RAB21: variants seen among roughly 807,000 people sequenced by gnomAD.
The protein encoded by RAB21 is RAB21, member RAS oncogene family, also known as ras-related protein Rab-21.
A neutral mutation model predicts 33.1 loss-of-function variants in RAB21; 13 were observed. The ratio of observed to expected loss-of-function variants is 0.39; its 90% confidence interval spans 0.26 to 0.62. RAB21 has a LOEUF of 0.62. RAB21 is among the 20% of genes least tolerant of loss of function. The probability of loss-of-function intolerance (pLI) is 0.48; values close to 1 mark genes in which losing one functional copy is unlikely to be tolerated. For synonymous variants in RAB21, 91 were observed against 103.7 expected (o/e 0.88, Z 0.74); for missense variants, 234 against 279.1 (o/e 0.84, Z 1.15).
At position 71,788,289 on chromosome 12, in the gene RAB21, ATTC is replaced by A. The variant is rs1384748886; in HGVS notation, c.*2620_*2622del. ...AGATAATTATTGGTGGGTCATAACT[ATTC>A]TTCATATTTTTTTTTTCTTTTTTCT... On this transcript the variant is annotated 3_prime_UTR_variant, in exon 7 of 7. Coordinates refer to ENST00000261263, the MANE Select transcript of RAB21 (RefSeq NM_014999.4). The A allele has an allele frequency of 4.0e-5, 6 of 151,216 alleles. No homozygotes were observed. Among genetic ancestry groups the A allele is most frequent in the African/African-American group, 1.4e-4 (6 of 41,476 alleles). 9.4% of individuals were successfully genotyped at this position (151,216 alleles called of 1,614,324 possible). A position where few individuals can be genotyped will look rare whatever the true frequency, so the allele number is the denominator to read the frequency against.
At chr12:71,760,200 C>T (rs1882850105) in intron 1 of RAB21, among the ~76,000 whole-genome samples, 1 of 150,046 alleles carries the variant, frequency 6.7e-6, no homozygotes. Context: ...CAAAGCAAAT[C>T]CATTCTAGTG....
chr12:71,766,436 T>C (rs1882961939), intron 1 of RAB21, among the ~76,000 whole-genome samples: 1 of 152,136 alleles, frequency 6.6e-6, no homozygotes, highest in African/African-American at 2.4e-5. Context: ...ACATCTGTAA[T>C]ACATGGGTAA....
At chr12:71,776,784 T>G (rs1883126465) in intron 4 of RAB21, among the ~76,000 whole-genome samples, 1 of 151,076 alleles carries the variant, frequency 6.6e-6, no homozygotes, top group African/African-American at 2.4e-5. Context: ...CTTAAAGGAT[T>G]AAAAAAAAAG....
chr12:71,765,337 T>G (rs1444134340), intron 1 of RAB21, among the ~76,000 whole-genome samples: 1 of 152,212 alleles, frequency 6.6e-6, no homozygotes, highest in African/African-American at 2.4e-5. Flanking sequence ...GAGTTCCTTG[T>G]AGATTCTGGA....
intron 1 of RAB21, among the ~76,000 whole-genome samples, chr12:71,768,677 A>G (rs1753290063): frequency 6.6e-6 from 1 of 152,002 alleles, no homozygotes; most frequent in African/African-American, 2.4e-5. Context: ...ATTGCTTGAA[A>G]CCATTCAGTG....
Position 71,770,515 on chromosome 12 carries a change from T to A in RAB21, c.220-77T>A. The A allele has an allele frequency of 6.1e-6, 6 of 989,802 alleles. No individual in the cohort carries two copies. The East Asian group carries it at 1.5e-4, about 24-fold the overall frequency. The allele number at this position is 989,802 out of a possible 1,614,324, so 61.3% of individuals were successfully genotyped here. A position where few individuals can be genotyped will look rare whatever the true frequency, so the allele number is the denominator to read the frequency against. On this transcript the variant is annotated intron_variant, in intron 2 of 6. Transcript: ENST00000261263. ...ACTTTATGCCATATTTTCCAATTAA[T>A]CAAAAAGTTCACCATAGTTGCAATC...
intron 1 of RAB21, among the ~76,000 whole-genome samples, chr12:71,767,252 C>T (rs988982408): frequency 6.6e-6 from 1 of 152,092 alleles, no homozygotes; most frequent in Admixed American, 6.6e-5. Context: ...TTAATGGAGA[C>T]TTAATACCGT....
chr12:71,778,143 C>T (rs541900026), intron 4 of RAB21, among the ~76,000 whole-genome samples: 2 of 152,292 alleles, frequency 1.3e-5, no homozygotes, highest in East Asian at 3.9e-4. Flanking sequence ...TACTTAACCT[C>T]CTAGATCCTT....
chr12:71,776,243 A>T (rs1369890442), intron 4 of RAB21, among the ~76,000 whole-genome samples: 1 of 152,238 alleles, frequency 6.6e-6, no homozygotes, highest in African/African-American at 2.4e-5. Context: ...AAGGTCACAA[A>T]GTAACATTTA....
In RAB21 at chr12:71,793,635, T is replaced by C. The variant is rs959017311; in HGVS notation, c.*7962T>C. 1 of 152,152 alleles carries C rather than the reference T, an allele frequency of 6.6e-6. No homozygotes were observed. The highest frequency in any genetic ancestry group is 2.4e-5 in the African/African-American group (1 of 41,442). 9.4% of individuals were successfully genotyped at this position (152,152 alleles called of 1,614,324 possible). ...GTGATTTAATGAGTTCTTCAAAACATAAAAGTCCTGTAAAGGAAAAGCTAG... is the reference window on the plus strand; with the variant it reads ...GTGATTTAATGAGTTCTTCAAAACACAAAAGTCCTGTAAAGGAAAAGCTAG... On this transcript the variant is annotated 3_prime_UTR_variant, in exon 7 of 7. Coordinates refer to ENST00000261263, the MANE Select transcript of RAB21 (RefSeq NM_014999.4).
rs781139926 is a variant in RAB21 at position 71,782,550 on chromosome 12, C to T, written c.447-20C>T. Reference sequence around the variant, plus strand: ...ATGAATAATATTTTACATCAATCACCGATGTTACTTTTTTTTAAGGTATGC... The same window carrying T: ...ATGAATAATATTTTACATCAATCACTGATGTTACTTTTTTTTAAGGTATGC... On this transcript the variant is annotated intron_variant, in intron 5 of 6. Coordinates refer to ENST00000261263, the MANE Select transcript of RAB21 (RefSeq NM_014999.4). The T allele has an allele frequency of 8.7e-6, 13 of 1,492,446 alleles. No individual in the cohort carries two copies. In the East Asian group the frequency reaches 1.1e-4, roughly 13 times the overall value. The allele number at this position is 1,492,446 out of a possible 1,614,324, so 92.5% of individuals were successfully genotyped here.
At chr12:71,773,369 A>G (rs1292507828) in intron 3 of RAB21, among the ~76,000 whole-genome samples, 2 of 152,234 alleles carry the variant, frequency 1.3e-5, no homozygotes, top group African/African-American at 4.8e-5. Context: ...ATGTTACTAA[A>G]CATACATTGC....
In RAB21 at chr12:71,794,441, T is replaced by A. The variant is rs1431862011; in HGVS notation, c.*8768T>A. Reference sequence around the variant, plus strand: ...TATATATATATATTTTTTTTTTTTTTTTTTTTTTTTTTTTTGAGACGGAGT... The same window carrying A: ...TATATATATATATTTTTTTTTTTTTATTTTTTTTTTTTTTTGAGACGGAGT... On this transcript the variant is annotated 3_prime_UTR_variant, in exon 7 of 7. Coordinates refer to ENST00000261263, the MANE Select transcript of RAB21 (RefSeq NM_014999.4). 417 of 108,838 alleles carry A rather than the reference T, an allele frequency of 3.8e-3. 2 individuals carry two copies. The East Asian group carries it at 0.042, about 11-fold the overall frequency. 6.7% of individuals were successfully genotyped at this position (108,838 alleles called of 1,614,324 possible). A position where few individuals can be genotyped will look rare whatever the true frequency, so the allele number is the denominator to read the frequency against.
intron 4 of RAB21, among the ~76,000 whole-genome samples, chr12:71,777,716 A>G (rs1883142309): frequency 6.6e-6 from 1 of 152,190 alleles, no homozygotes; most frequent in African/African-American, 2.4e-5. Context: ...TCTCTAGATC[A>G]GCTGTTTTTT....
intron 1 of RAB21, among the ~76,000 whole-genome samples, chr12:71,764,378 A>T (rs1379701066): frequency 6.6e-6 from 1 of 152,206 alleles, no homozygotes; most frequent in East Asian, 1.9e-4. Flanking sequence ...AGTCTGGCCA[A>T]ATTAAATGTG....
At chr12:71,778,857 T>G (rs1565892612) in intron 4 of RAB21, among the ~76,000 whole-genome samples, 1 of 152,124 alleles carries the variant, frequency 6.6e-6, no homozygotes, top group Non-Finnish European at 1.5e-5. Context: ...TAGAGTGCGT[T>G]ACCTGCAAGG....
At chr12:71,763,007 T>A (rs1214921787) in intron 1 of RAB21, among the ~76,000 whole-genome samples, 2 of 152,104 alleles carry the variant, frequency 1.3e-5, no homozygotes, top group African/African-American at 4.8e-5. Flanking sequence ...TTTATTTTTT[T>A]ATTTTATTTT....
At chr12:71,767,276 C>T (rs913678836) in intron 1 of RAB21, among the ~76,000 whole-genome samples, 4 of 151,914 alleles carry the variant, frequency 2.6e-5, no homozygotes, top group African/African-American at 7.3e-5. Context: ...TTAAATTTGC[C>T]GTGGGAGAGT....
chr12:71,777,889 C>T (rs568092495), intron 4 of RAB21, among the ~76,000 whole-genome samples: 1 of 152,278 alleles, frequency 6.6e-6, no homozygotes, highest in African/African-American at 2.4e-5. Context: ...CTCACACTGG[C>T]CTTCTATCAG....
Sources: allele counts gnomAD v4.1 joint callset (sites outside exome capture counted in the v4.1 genomes callset), GRCh38; gene constraint gnomAD v4.1.1; transcripts MANE v1.5; gene names NCBI Gene and HGNC (gene_info 2026-07-23, HGNC 2026-07-21).